NBPF14: variants seen among roughly 807,000 people sequenced by gnomAD.
NBPF14 encodes NBPF member 14.
In NBPF14, 104 loss-of-function variants were observed where a neutral mutation model predicts 91.2. The observed-to-expected ratio is 1.14, with a 90% confidence interval of 0.97 to 1.34. The LOEUF (loss-of-function observed/expected upper bound fraction) is 1.34, where lower values mean the gene tolerates loss of function less well. Among genes scored for constraint, NBPF14 ranks in the 40% most tolerant of loss-of-function variants. The probability of loss-of-function intolerance (pLI) is 0.00; values close to 1 mark genes in which losing one functional copy is unlikely to be tolerated. For synonymous variants in NBPF14, 294 were observed against 303.8 expected, an observed-to-expected ratio of 0.97 and a Z score of 0.34; for missense variants, 908 against 783.0, an observed-to-expected ratio of 1.16 and a Z score of -1.91.
At chr1:148,572,724 A>T (rs1384042254) in intron 20 of NBPF14, 109 bp from the exon 21 acceptor site, 1 of 621,694 alleles carries the variant, frequency 1.6e-6, no homozygotes, top group Non-Finnish European at 2.8e-6. Flanking sequence ...GAAAAAGGAC[A>T]GATCCATTAA....
chr1:148,556,788 G>A (rs1656645418), exon 41 of NBPF14: 1 of 192,884 alleles, frequency 5.2e-6, no homozygotes, highest in East Asian at 1.7e-4. Flanking sequence ...ACAACTGGAA[G>A]GAGTTGAATA....
intron 37 of NBPF14, among the ~76,000 whole-genome samples, 179 bp downstream of exon 37, chr1:148,559,614 G>T (rs1314391833): frequency 2.4e-5 from 3 of 124,788 alleles, no homozygotes; most frequent in Non-Finnish European, 4.6e-5. Context: ...CTTGCTCACT[G>T]ACCCATCCCT....
At chr1:148,566,476 G>C (rs1658334646) in intron 28 of NBPF14, among the ~76,000 whole-genome samples, 161 bp from the exon 29 acceptor site, 1 of 140,152 alleles carries the variant, frequency 7.1e-6, no homozygotes, top group Non-Finnish European at 1.6e-5. Flanking sequence ...GACAGAACAG[G>C]GCCAAATGGA....
chr1:148,533,789 C>A (rs1393487810), intron 70 of NBPF14, 72 bp downstream of exon 70: 27 of 764,866 alleles, frequency 3.5e-5, no homozygotes, highest in East Asian at 7.3e-5. Flanking sequence ...ATCAAACACA[C>A]TCTGGTTTCC....
At chr1:148,533,780 T>A (rs1267042099) in intron 70 of NBPF14, 81 bp downstream of exon 70, 7 of 763,754 alleles carry the variant, frequency 9.2e-6, no homozygotes, top group African/African-American at 3.4e-5. Flanking sequence ...AAATATGACA[T>A]CAAACACACT....
In NBPF14 at chr1:148,586,767, A is replaced by T; in HGVS notation, c.1092-298T>A. On this transcript the variant is annotated intron_variant, in intron 8 of 70. Coordinates refer to ENST00000619423, the Ensembl canonical transcript of NBPF14. The stretch of plus-strand genomic sequence containing the variant: ...CAAAAAGACATCCTTTCAGTTCCTC[A>T]CTCTGGCCATGGACATTTCCATGTG... Among the ~76,000 whole-genome samples the T allele has an allele frequency of 1.4e-5, 2 of 142,308 alleles. 1 individual carries two copies. Among genetic ancestry groups the T allele is most frequent in the Non-Finnish European group, 3.1e-5 (2 of 63,810 alleles). The allele number at this position is 142,308 out of a possible 152,430, so 93.4% of individuals were successfully genotyped here.
intron 68 of NBPF14, among the ~76,000 whole-genome samples, chr1:148,535,184 C>A (rs1402798275): frequency 6.7e-6 from 1 of 149,866 alleles, no homozygotes; most frequent in Non-Finnish European, 1.5e-5. Context: ...AAAGAGGGGG[C>A]TCAATAATTT....
intron 62 of NBPF14, 56 bp from the exon 63 acceptor site, chr1:148,539,638 C>G (rs1655547134): frequency 1.2e-5 from 2 of 171,478 alleles, no homozygotes; most frequent in Non-Finnish European, 1.0e-5. Context: ...AACCACACAG[C>G]CCCAGCTAGA....
intron 6 of NBPF14, among the ~76,000 whole-genome samples, chr1:148,590,056 T>C (rs1662217006): frequency 8.4e-6 from 1 of 119,358 alleles, no homozygotes. Flanking sequence ...TTTTTTTTTT[T>C]TTTTTTTTTT....
At chr1:148,581,027 GC>G (rs1204473877) in intron 12 of NBPF14, among the ~76,000 whole-genome samples, 2 of 96,450 alleles carry the variant, frequency 2.1e-5, no homozygotes, top group Non-Finnish European at 4.1e-5. Flanking sequence ...CCTACAACAG[GC>G]CCCAGTGTGT....
exon 70 of NBPF14, chr1:148,533,870 G>C (rs1420379152): frequency 3.0e-5 from 23 of 763,850 alleles, no homozygotes; most frequent in South Asian, 2.3e-4. Context: ...CCTGGGGCAT[G>C]GTGGGTTTTG....
intron 16 of NBPF14, among the ~76,000 whole-genome samples, 170 bp from the exon 17 acceptor site, chr1:148,575,981 A>T: frequency 7.0e-6 from 1 of 143,358 alleles, no homozygotes; most frequent in African/African-American, 2.6e-5. Flanking sequence ...GGCCAGGTAG[A>T]AAAGAATGAA....
At chr1:148,534,687 C>T (rs1482295017) in exon 69 of NBPF14, 1 of 809,862 alleles carries the variant, frequency 1.2e-6, no homozygotes. Flanking sequence ...TACTCACTGT[C>T]CACGTCAAGA....
Position 148,553,451 on chromosome 1 carries a change from C to T in NBPF14, c.5686+89G>A, listed in dbSNP as rs1261763169. On this transcript the variant is annotated intron_variant, in intron 45 of 70. Transcript: ENST00000619423. ...TCCTGCCTGCAGCAATGACGTCTCT[C>T]GGGTCAGTAAGGGGCACTTGGAACA... 5 of 142,356 alleles carry T rather than the reference C, an allele frequency of 3.5e-5. 2 individuals carry two copies. Among genetic ancestry groups the T allele is most frequent in the Non-Finnish European group, 3.1e-5 (3 of 97,862 alleles). The allele number at this position is 142,356 out of a possible 1,614,324, so 8.8% of individuals were successfully genotyped here.
rs1659588287 is a variant in NBPF14, at chr1:148,575,829, A to T, written c.2079-18T>A. 3 of 319,286 alleles carry T rather than the reference A, an allele frequency of 9.4e-6. No homozygotes were observed. The highest frequency in any genetic ancestry group is 5.5e-5 in the Admixed American group (1 of 18,222). The allele number at this position is 319,286 out of a possible 1,614,324, so 19.8% of individuals were successfully genotyped here. A position where few individuals can be genotyped will look rare whatever the true frequency, so the allele number is the denominator to read the frequency against. On this transcript the variant is annotated intron_variant, in intron 16 of 70. Transcript: ENST00000619423. ...TGCTGAGCCTGGAAAAGTAGGAAAA[A>T]GTAAAGAATAAGCCAGGGGGAATCA...
Position 148,577,183 on chromosome 1 carries a change from C to A in NBPF14, c.2026G>T (p.Glu676Ter). 1.6e-6 allele frequency: 1 copy of A among 623,124 alleles called. No individual in the cohort carries two copies. 38.6% of individuals were successfully genotyped at this position (623,124 alleles called of 1,614,324 possible). ...ATCACCTTCATAGAAAGGTACTCAC[C>A]ATCCATGTCAACAGCCAAGCCAACA... Residue 676 changes from glutamate to a stop codon, truncating the protein, a stop_gained and splice_region_variant, in exon 15 of 71, where the codon GAA becomes TAA. Coordinates refer to ENST00000619423, the Ensembl canonical transcript of NBPF14. LOFTEE classifies it high-confidence loss of function.
In NBPF14 at chr1:148,535,972, G is replaced by C. The variant is rs1655115677; in HGVS notation, c.8389+252C>G. Among the ~76,000 whole-genome samples, 3 of 150,724 alleles carry C rather than the reference G, an allele frequency of 2.0e-5. No homozygotes were observed. In the South Asian group the frequency reaches 6.3e-4, roughly 32 times the overall value. ...TGTGTGAATTTGTCACATCTGCCCA[G>C]ATCCAACATCTTGAGAGTAGGATTA... On this transcript the variant is annotated intron_variant, in intron 67 of 70. Coordinates refer to ENST00000619423, the Ensembl canonical transcript of NBPF14.
chr1:148,585,408 G>A (rs1359177444), intron 9 of NBPF14, among the ~76,000 whole-genome samples, 195 bp from the exon 10 acceptor site: 1 of 151,846 alleles, frequency 6.6e-6, no homozygotes, highest in African/African-American at 2.4e-5. Flanking sequence ...GATCTGGAGG[G>A]CCACCATCAA....
At chr1:148,593,699 C>A in exon 3 of NBPF14, 1 of 1,180,358 alleles carries the variant, frequency 8.5e-7, no homozygotes, top group Non-Finnish European at 1.2e-6. Flanking sequence ...ACTCTTCATA[C>A]TCTGAGAAAA....
Sources: allele counts gnomAD v4.1 joint callset (sites outside exome capture counted in the v4.1 genomes callset), GRCh38; gene constraint gnomAD v4.1.1; transcripts MANE v1.5; gene names NCBI Gene and HGNC (gene_info 2026-07-23, HGNC 2026-07-21).